Variants in TBC1D1 observed in about 807,000 individuals in gnomAD.
TBC1D1 encodes TBC1 domain family member 1, also known as TBC1 (tre-2/USP6, BUB2, cdc16) domain family, member 1.
Under a neutral mutation model 125.6 loss-of-function variants are expected in TBC1D1, and 89 were observed. The observed-to-expected ratio is 0.71, with a 90% CI of 0.60 to 0.85. The LOEUF (loss-of-function observed/expected upper bound fraction) is 0.85. Ranked by LOEUF, TBC1D1 falls within the 40% of genes least tolerant of loss-of-function variation. TBC1D1 has a pLI of 0.00. For missense variants in TBC1D1, 1,377 were observed against 1,469.2 expected, an observed-to-expected ratio of 0.94 and a Z score of 1.03; for synonymous variants, 565 against 564.1, an observed-to-expected ratio of 1.00 and a Z score of -0.02.
At chr4:37,968,205 G>T (rs924234426) in intron 2 of TBC1D1, among the ~76,000 whole-genome samples, 8 of 152,190 alleles carry the variant, frequency 5.3e-5, no homozygotes, top group African/African-American at 1.9e-4. Flanking sequence ...TTCAGCAAGT[G>T]TTACTTACAA....
In TBC1D1 at chr4:38,137,579, C is replaced by G. The variant is rs949920000; in HGVS notation, c.*244C>G. The G allele has an allele frequency of 2.1e-5, 9 of 426,154 alleles. No individual in the cohort carries two copies. In the East Asian group the frequency reaches 2.5e-4, roughly 12 times the overall value. The allele number at this position is 426,154 out of a possible 1,614,324, so 26.4% of individuals were successfully genotyped here. On this transcript the variant is annotated 3_prime_UTR_variant, in exon 20 of 20. Transcript: ENST00000261439. ...CAGTCCTGATTACTGTACACAGTAG[C>G]TTTAGATGGCGTGGACGTGAATAAA...
Position 38,114,075 on chromosome 4 carries a change from C to A in TBC1D1, c.2558-1635C>A, listed in dbSNP as rs115211271. On this transcript the variant is annotated intron_variant, in intron 15 of 19. Transcript: ENST00000261439. ...CACACACACACACACCTGCACACAA[C>A]CTAGAGGGGTCAGAGACCCCAGGAG... Among the ~76,000 whole-genome samples the A allele has an allele frequency of 1.2e-3, 181 of 152,104 alleles. 1 individual carries two copies. Among genetic ancestry groups the A allele is most frequent in the African/African-American group, 4.1e-3 (171 of 41,486 alleles).
At chr4:37,931,331 A>G (rs1426725509) in intron 2 of TBC1D1, among the ~76,000 whole-genome samples, 1 of 151,650 alleles carries the variant, frequency 6.6e-6, no homozygotes, top group Non-Finnish European at 1.5e-5. Context: ...TCCTGACCTC[A>G]AGCTATCCAC....
intron 2 of TBC1D1, among the ~76,000 whole-genome samples, chr4:37,968,544 T>A (rs1038546347): frequency 2.4e-4 from 36 of 152,226 alleles, no homozygotes; most frequent in Non-Finnish European, 8.8e-5. Context: ...CAAGGTAGAA[T>A]GTTCTTGAGG....
At chr4:38,042,235 T>C (rs114293171) in intron 8 of TBC1D1, among the ~76,000 whole-genome samples, 3,739 of 152,104 alleles carry the variant, frequency 0.025, 70 homozygotes, top group South Asian at 0.074. Context: ...ATCTGATGTT[T>C]TTTGATTGTC....
rs755500041 is a variant in TBC1D1, at chr4:37,977,532, AG to A, written c.418-36975del. The A allele has an allele frequency of 2.8e-5, 27 of 972,678 alleles. No individual in the cohort carries two copies. The East Asian group carries it at 3.1e-3, about 113-fold the overall frequency. 60.3% of individuals were successfully genotyped at this position (972,678 alleles called of 1,614,324 possible). ...CATTGTTCAGCTGGGTGGCCAAGGT[AG>A]GCGGCGTCGGGCGGGCGCCCGTTAC... is the stretch of plus-strand genomic sequence containing the variant. On this transcript the variant is annotated intron_variant, in intron 2 of 19. Transcript: ENST00000261439. The surrounding 1 kb of genome is among the most constrained non-coding windows in gnomAD (Gnocchi z 4.3).
intron 2 of TBC1D1, among the ~76,000 whole-genome samples, chr4:37,982,356 T>TA (rs201153272): frequency 2.6e-5 from 4 of 152,230 alleles, no homozygotes; most frequent in African/African-American, 9.6e-5. Context: ...TGTATTGTTT[T>TA]AAAATTTTTT....
At chr4:38,118,232 C>G (rs780994412) in intron 17 of TBC1D1, 40 bp downstream of exon 19, 3 of 1,606,870 alleles carry the variant, frequency 1.9e-6, no homozygotes, top group African/African-American at 2.7e-5. Flanking sequence ...CCAGCCTTCT[C>G]TTATTAGAGG....
intron 8 of TBC1D1, among the ~76,000 whole-genome samples, chr4:38,040,540 GCCT>G (rs1200261818): frequency 6.6e-6 from 1 of 152,162 alleles, no homozygotes; most frequent in African/African-American, 2.4e-5. Context: ...GCCTGCCTTG[GCCT>G]CCTAAAGTGC....
intron 18 of TBC1D1, among the ~76,000 whole-genome samples, chr4:38,126,424 T>C (rs1764659719): frequency 6.6e-6 from 1 of 152,226 alleles, no homozygotes; most frequent in Admixed American, 6.5e-5. Context: ...TTCCAGTGGA[T>C]TGCATCCACA....
At chr4:37,950,340 G>A (rs548699392) in intron 2 of TBC1D1, among the ~76,000 whole-genome samples, 2 of 152,078 alleles carry the variant, frequency 1.3e-5, no homozygotes, top group Non-Finnish European at 2.9e-5. Flanking sequence ...GTGTAAAACA[G>A]AAGCATGCCT....
chr4:38,089,868 CTG>C (rs1758133400), intron 12 of TBC1D1, 62 bp from the exon 15 acceptor site: 3 of 1,448,288 alleles, frequency 2.1e-6, no homozygotes, highest in East Asian at 4.7e-5. Flanking sequence ...TGATTTGACA[CTG>C]TGTTTGAATG....
chr4:37,906,790 T>TTAAAC (rs1438871028), intron 2 of TBC1D1, among the ~76,000 whole-genome samples: 1 of 152,242 alleles, frequency 6.6e-6, no homozygotes, highest in African/African-American at 2.4e-5. Flanking sequence ...CCTTGTATAC[T>TTAAAC]TAAACTGCTC....
intron 2 of TBC1D1, among the ~76,000 whole-genome samples, chr4:37,926,199 C>T (rs763801519): frequency 7.9e-5 from 12 of 152,306 alleles, no homozygotes; most frequent in South Asian, 2.1e-4. Flanking sequence ...TGTCTGAACT[C>T]GAATGCCAGA....
chr4:38,117,915 A>G lies in TBC1D1; in HGVS notation c.2803-118A>G, dbSNP rs77400221. 2.6e-3 allele frequency: 2,463 copies of G among 935,994 alleles called. 7 individuals are homozygous for G. Among genetic ancestry groups the G allele is most frequent in the Non-Finnish European group, 3.4e-3 (2,124 of 615,942 alleles). 58.0% of individuals were successfully genotyped at this position (935,994 alleles called of 1,614,324 possible). Reference sequence around the variant, plus strand: ...GCTGAGCTCAGTGGATCGCAAGCCAAATCGAATGTTTAAAGTTCTAGTAAG... The same window carrying G: ...GCTGAGCTCAGTGGATCGCAAGCCAGATCGAATGTTTAAAGTTCTAGTAAG... On this transcript the variant is annotated intron_variant, in intron 16 of 19. Transcript: ENST00000261439.
chr4:37,904,318 G>A (rs1716835915), intron 2 of TBC1D1, among the ~76,000 whole-genome samples: 1 of 152,154 alleles, frequency 6.6e-6, no homozygotes, highest in Admixed American at 6.5e-5. Context: ...ATGAGATTCT[G>A]GTCATATTTG....
rs201548509 is a variant in TBC1D1 at position 38,052,712 on chromosome 4, A to G, written c.1911-1487A>G. On this transcript the variant is annotated intron_variant, in intron 11 of 19. Transcript: ENST00000261439. Reference sequence around the variant, plus strand: ...TACATGCATGCGTATATACACACACACGCGCGCGCGCGCGCGCACACACAC... The same window carrying G: ...TACATGCATGCGTATATACACACACGCGCGCGCGCGCGCGCGCACACACAC... Among the ~76,000 whole-genome samples, 1,024 of 125,616 alleles carry G rather than the reference A, an allele frequency of 8.2e-3. 8 individuals carry two copies. The highest frequency in any genetic ancestry group is 0.025 in the African/African-American group (797 of 31,372). The allele number at this position is 125,616 out of a possible 152,430, so 82.4% of individuals were successfully genotyped here. A position where few individuals can be genotyped will look rare whatever the true frequency, so the allele number is the denominator to read the frequency against.
At chr4:37,925,572 T>C (rs1037074101) in intron 2 of TBC1D1, among the ~76,000 whole-genome samples, 13 of 150,390 alleles carry the variant, frequency 8.6e-5, no homozygotes, top group African/African-American at 2.9e-4. Flanking sequence ...AAAAATTAGC[T>C]GGGCATGGTG....
intron 12 of TBC1D1, among the ~76,000 whole-genome samples, chr4:38,067,169 C>G (rs999523771): frequency 6.6e-6 from 1 of 152,148 alleles, no homozygotes; most frequent in Admixed American, 6.6e-5. Flanking sequence ...GCCACGCTCC[C>G]GGCCAAGATT....
Sources: gnomAD v4.1 joint callset for allele counts (sites outside exome capture counted in the v4.1 genomes callset) on GRCh38, gnomAD v4.1.1 for gene constraint, Gnocchi (gnomAD v3.1) non-coding constraint, MANE v1.5 for transcripts, NCBI Gene and HGNC (gene_info 2026-07-23, HGNC 2026-07-21) for gene names.